USO1: variants seen among roughly 807,000 people sequenced by gnomAD.
USO1 encodes USO1 vesicle transport factor, also known as general vesicular transport factor p115.
Under a neutral mutation model 124.5 loss-of-function variants are expected in USO1, and 57 were observed. The observed-to-expected ratio is 0.46, with a 90% CI of 0.37 to 0.57. The LOEUF (loss-of-function observed/expected upper bound fraction) is 0.57, where lower values mean the gene tolerates loss of function less well. Ranked by LOEUF, USO1 falls within the 20% of genes least tolerant of loss-of-function variation. The pLI is 0.00. For missense variants in USO1, 900 were observed against 1,040.6 expected (o/e 0.86, Z 1.86); for synonymous variants, 369 against 362.8 (o/e 1.02, Z -0.19).
At position 75,732,187 on chromosome 4, in the gene USO1, G is replaced by A. The variant is rs1030561523; in HGVS notation, c.66+7302G>A. Reference sequence around the variant, plus strand: ...CCTTCCCCCCGTTGTTGTCCCCAGTGTTGACTGCTCCCATCTTTAGGTCCG... The same window carrying A: ...CCTTCCCCCCGTTGTTGTCCCCAGTATTGACTGCTCCCATCTTTAGGTCCG... On this transcript the variant is annotated intron_variant, in intron 1 of 23. Coordinates refer to ENST00000514213, the MANE Select transcript of USO1 (RefSeq NM_003715.4). 7.2e-5 allele frequency among the ~76,000 whole-genome samples: 11 copies of A among 151,872 alleles called. No individual in the cohort carries two copies. In the East Asian group the frequency reaches 2.1e-3, roughly 29 times the overall value.
chr4:75,789,049 C>A (rs576000199), intron 10 of USO1, among the ~76,000 whole-genome samples: 113 of 151,818 alleles, frequency 7.4e-4, no homozygotes, highest in Admixed American at 1.6e-3. Context: ...CCATTATAAT[C>A]CTCCTTTTTT....
chr4:75,793,265 A>AGT (rs1722583359), intron 12 of USO1, among the ~76,000 whole-genome samples: 1 of 123,904 alleles, frequency 8.1e-6, no homozygotes, highest in Non-Finnish European at 1.6e-5. Flanking sequence ...GTTGGAGTGC[A>AGT]GTGGCGCAGT....
At chr4:75,784,570 T>C (rs1351545815) in intron 9 of USO1, among the ~76,000 whole-genome samples, 3 of 152,114 alleles carry the variant, frequency 2.0e-5, no homozygotes, top group Non-Finnish European at 4.4e-5. Context: ...ATCCCAGCAC[T>C]TGGGGAGCCC....
intron 18 of USO1, 141 bp from the exon 19 acceptor site, chr4:75,804,999 C>A: frequency 8.8e-7 from 1 of 1,139,386 alleles, no homozygotes; most frequent in Non-Finnish European, 1.2e-6. Context: ...ATCAGTATAC[C>A]ATTCTGCAAA....
At chr4:75,805,963 T>A (rs1722985519) in intron 19 of USO1, among the ~76,000 whole-genome samples, 1 of 152,156 alleles carries the variant, frequency 6.6e-6, no homozygotes, top group Non-Finnish European at 1.5e-5. Flanking sequence ...ATGCTTAGAT[T>A]TAATAAATTG....
intron 8 of USO1, among the ~76,000 whole-genome samples, chr4:75,781,740 TC>T (rs1722226763): frequency 6.8e-6 from 1 of 146,704 alleles, no homozygotes. Context: ...CTAAAACTGC[TC>T]TAAAAAATGA....
At chr4:75,752,073 G>A (rs1478243180) in intron 1 of USO1, among the ~76,000 whole-genome samples, 1 of 152,086 alleles carries the variant, frequency 6.6e-6, no homozygotes, top group East Asian at 1.9e-4. Flanking sequence ...GGTTCAAACA[G>A]TCATAATAGG....
At chr4:75,739,823 G>A (rs1439336174) in intron 1 of USO1, among the ~76,000 whole-genome samples, 5 of 152,040 alleles carry the variant, frequency 3.3e-5, no homozygotes, top group African/African-American at 7.2e-5. Context: ...GATTACAGGC[G>A]TGAGCCACCA....
chr4:75,776,779 A>G (rs1277748218), intron 8 of USO1, among the ~76,000 whole-genome samples: 1 of 152,146 alleles, frequency 6.6e-6, no homozygotes, highest in East Asian at 1.9e-4. Flanking sequence ...TAAGATGAGG[A>G]TCCATATGGT....
At chr4:75,732,412 A>G (rs1007768886) in intron 1 of USO1, among the ~76,000 whole-genome samples, 3 of 152,148 alleles carry the variant, frequency 2.0e-5, no homozygotes, top group Non-Finnish European at 4.4e-5. Context: ...TCCACTATTG[A>G]TGGACACCTA....
chr4:75,770,968 G>A (rs749983087), intron 6 of USO1, 44 bp downstream of exon 6: 5 of 1,599,892 alleles, frequency 3.1e-6, no homozygotes, highest in Non-Finnish European at 3.4e-6. Flanking sequence ...TCAAGCATGA[G>A]TATCATTTCC....
rs547336244 is a variant in USO1 at position 75,740,495 on chromosome 4, C to G, written c.67-11878C>G. Among the ~76,000 whole-genome samples the G allele has an allele frequency of 5.7e-4, 87 of 152,252 alleles. 1 individual carries two copies. The South Asian group carries it at 0.017, about 30-fold the overall frequency. Reference sequence around the variant, plus strand: ...TAAAGACAGGATCTAGCTGTGTTGCCCAGGCTGATCACAAATTCCTGGCTT... The same window carrying G: ...TAAAGACAGGATCTAGCTGTGTTGCGCAGGCTGATCACAAATTCCTGGCTT... On this transcript the variant is annotated intron_variant, in intron 1 of 23. Coordinates refer to ENST00000514213, the MANE Select transcript of USO1 (RefSeq NM_003715.4).
chr4:75,810,520 A>G lies in USO1; in HGVS notation c.2564A>G (p.Gln855Arg). 1 of 1,611,516 alleles carries G rather than the reference A, an allele frequency of 6.2e-7. No homozygotes were observed. The highest frequency in any genetic ancestry group is 1.1e-5 in the South Asian group (1 of 90,204). The change falls in exon 22 of 24, where the codon CAA becomes CGA. Residue 855 changes from glutamine to arginine, a missense_variant. Coordinates refer to ENST00000514213, the MANE Select transcript of USO1 (RefSeq NM_003715.4). ...GAAGGAAGACTGTCAGCATTATTAC[A>G]AGAGACCAAAGAGTTAAAGGTTTGT... ...DVEGRLSALL[Q>R]ETKELKNEIK...
At position 75,724,870 on chromosome 4, in the gene USO1, C is replaced by T. The variant is rs888023787; in HGVS notation, c.51C>T (p.His17=). ...VMGGQSAGPQ[H]TEAETIQKLC... is the part of the protein sequence containing the mutation. ...GGGGTCAGAGTGCCGGACCCCAGCA[C>T]ACAGAAGCCGAGACGGTGAGAGGAG... The change falls in exon 1 of 24, where the codon CAC becomes CAT. Residue 17 remains histidine, a synonymous_variant. Coordinates refer to ENST00000514213, the MANE Select transcript of USO1 (RefSeq NM_003715.4). The T allele has an allele frequency of 2.5e-6, 4 of 1,613,432 alleles. No homozygotes were observed. The highest frequency in any genetic ancestry group is 3.4e-6 in the Non-Finnish European group (4 of 1,179,702).
At chr4:75,788,871 C>A (rs1476740766) in intron 10 of USO1, among the ~76,000 whole-genome samples, 1 of 150,502 alleles carries the variant, frequency 6.6e-6, no homozygotes, top group African/African-American at 2.4e-5. Flanking sequence ...GAATAAGTAA[C>A]GAGAAATTTT....
At chr4:75,751,473 A>T (rs1380916364) in intron 1 of USO1, among the ~76,000 whole-genome samples, 2 of 146,662 alleles carry the variant, frequency 1.4e-5, no homozygotes, top group African/African-American at 5.0e-5. Flanking sequence ...CGGCCTCCCA[A>T]AGTGCTGGGA....
At chr4:75,779,218 C>T (rs778403714) in intron 8 of USO1, among the ~76,000 whole-genome samples, 34 of 152,168 alleles carry the variant, frequency 2.2e-4, no homozygotes, top group Non-Finnish European at 4.3e-4. Flanking sequence ...CCCTCCCTCC[C>T]TCGGGCCTCC....
At chr4:75,755,064 C>T (rs985667503) in intron 3 of USO1, among the ~76,000 whole-genome samples, 1 of 152,168 alleles carries the variant, frequency 6.6e-6, no homozygotes, top group Non-Finnish European at 1.5e-5. Flanking sequence ...CTCAGTTCCT[C>T]AACATGTTTC....
chr4:75,790,368 C>A, intron 11 of USO1, 130 bp downstream of exon 11: 1 of 1,251,650 alleles, frequency 8.0e-7, no homozygotes, highest in Non-Finnish European at 1.1e-6. Context: ...AATTATCTGA[C>A]AAGATAAATG....
Sources: gnomAD v4.1 joint callset for allele counts (sites outside exome capture counted in the v4.1 genomes callset) on GRCh38, gnomAD v4.1.1 for gene constraint, MANE v1.5 for transcripts, NCBI Gene and HGNC (gene_info 2026-07-23, HGNC 2026-07-21) for gene names.